The following RNLS variants were observed in gnomAD, a reference collection of about 807,000 sequenced individuals.
RNLS encodes the protein renalase, FAD dependent amine oxidase.
Under a neutral mutation model 39.8 loss-of-function variants are expected in RNLS, and 39 were observed. The observed-to-expected ratio is 0.98, with a 90% confidence interval of 0.76 to 1.28. RNLS has a LOEUF of 1.28. RNLS is among the 50% of genes most tolerant of loss of function. The pLI is 0.00. For missense variants in RNLS, 410 were observed against 413.3 expected (o/e 0.99, Z 0.07); for synonymous variants, 147 against 150.7 (o/e 0.98, Z 0.18).
intron 5 of RNLS, among the ~76,000 whole-genome samples, chr10:88,355,966 G>C (rs570877565): frequency 6.6e-6 from 1 of 152,202 alleles, no homozygotes; most frequent in Non-Finnish European, 1.5e-5. Flanking sequence ...TCAGACTGCT[G>C]TGCTGGCAAC....
chr10:88,501,562 T>G (rs953255593), intron 4 of RNLS, among the ~76,000 whole-genome samples: 3 of 152,152 alleles, frequency 2.0e-5, no homozygotes. Context: ...AGATAATGAC[T>G]GCCCATTGCA....
rs375998210 is a variant in RNLS, at chr10:88,548,156, G to A, written c.526+24747C>T. On this transcript the variant is annotated intron_variant, in intron 4 of 6. Transcript: ENST00000331772. ...GTGTGCCTGTAGTCCCAGCTACTCC[G>A]GAGGCTGAGGCAGGAGAATTGCTTG... Among the ~76,000 whole-genome samples, 18 of 150,176 alleles carry A rather than the reference G, an allele frequency of 1.2e-4. No individual in the cohort carries two copies. The East Asian group carries it at 2.2e-3, about 18-fold the overall frequency.
At chr10:88,304,987 C>T (rs117561349) in intron 6 of RNLS, among the ~76,000 whole-genome samples, 4,101 of 152,182 alleles carry the variant, frequency 0.027, 84 homozygotes, top group Non-Finnish European at 0.047. Flanking sequence ...AGACTAACAG[C>T]GGACCTCTCA....
chr10:88,575,453 G>A (rs1027478758), intron 3 of RNLS, among the ~76,000 whole-genome samples: 7 of 151,546 alleles, frequency 4.6e-5, no homozygotes, highest in African/African-American at 1.5e-4. Context: ...GTCATGATGC[G>A]CGCTAAAGTA....
intron 4 of RNLS, among the ~76,000 whole-genome samples, chr10:88,543,846 T>C (rs1467920835): frequency 6.6e-6 from 1 of 152,154 alleles, no homozygotes; most frequent in Non-Finnish European, 1.5e-5. Flanking sequence ...AAATATATAT[T>C]ATTTGCTTTG....
chr10:88,501,878 T>C lies in RNLS; in HGVS notation c.526+71025A>G, dbSNP rs537762109. Reference sequence around the variant, plus strand: ...TCATCCAGACAAGAAATTTGTTCCATATGATCTTCACTCCCTGTTGAGACC... The same window carrying C: ...TCATCCAGACAAGAAATTTGTTCCACATGATCTTCACTCCCTGTTGAGACC... On this transcript the variant is annotated intron_variant, in intron 4 of 6. Coordinates refer to ENST00000331772, the MANE Select transcript of RNLS (RefSeq NM_001031709.3). Among the ~76,000 whole-genome samples the C allele has an allele frequency of 2.6e-5, 4 of 152,300 alleles. No homozygotes were observed. The East Asian group carries it at 5.8e-4, about 22-fold the overall frequency.
the RNLS span, among the ~76,000 whole-genome samples, chr10:88,200,349 T>C: frequency 6.6e-6 from 1 of 152,206 alleles, no homozygotes; most frequent in African/African-American, 2.4e-5. Context: ...GATTGTCTCC[T>C]TTAACCCTTT....
Position 88,484,945 on chromosome 10 carries a change from T to C in RNLS, c.526+87958A>G, listed in dbSNP as rs193017111. Among the ~76,000 whole-genome samples, 503 of 152,144 alleles carry C rather than the reference T, an allele frequency of 3.3e-3. 2 individuals are homozygous for C. Among genetic ancestry groups the C allele is most frequent in the Middle Eastern group, 0.027 (8 of 294 alleles). ...GTTTGTTTGTTTGTTTCAGTGTATATATCTCATATATTTTGTCAGAATTAT... is the reference window on the plus strand; with the variant it reads ...GTTTGTTTGTTTGTTTCAGTGTATACATCTCATATATTTTGTCAGAATTAT... On this transcript the variant is annotated intron_variant, in intron 4 of 6. Coordinates refer to ENST00000331772, the MANE Select transcript of RNLS (RefSeq NM_001031709.3).
chr10:88,458,719 T>C (rs1200355405), intron 4 of RNLS, among the ~76,000 whole-genome samples: 3 of 152,150 alleles, frequency 2.0e-5, no homozygotes, highest in African/African-American at 4.8e-5. Flanking sequence ...ACAAGAAGAA[T>C]AGTATTTGTG....
chr10:88,281,892 A>G (rs1396418260), downstream of RNLS, among the ~76,000 whole-genome samples: 1 of 152,126 alleles, frequency 6.6e-6, no homozygotes, highest in Non-Finnish European at 1.5e-5. Context: ...AGGCAGGAAA[A>G]AAAATAGAAG....
the RNLS span, among the ~76,000 whole-genome samples, chr10:88,218,402 G>A: frequency 1.2e-4 from 18 of 152,220 alleles, no homozygotes; most frequent in Non-Finnish European, 8.8e-5. Flanking sequence ...GCGGGCTGCC[G>A]GGGATGTGGG....
intron 5 of RNLS, among the ~76,000 whole-genome samples, chr10:88,318,976 C>T (rs1054219286): frequency 5.3e-5 from 8 of 152,328 alleles, no homozygotes; most frequent in Admixed American, 5.2e-4. Flanking sequence ...TTAAGTGCCA[C>T]CTACTGGACT....
At chr10:88,458,112 A>G (rs1842738199) in intron 4 of RNLS, among the ~76,000 whole-genome samples, 1 of 152,196 alleles carries the variant, frequency 6.6e-6, no homozygotes, top group Non-Finnish European at 1.5e-5. Context: ...CAGGACATCC[A>G]TCATGGGTTG....
At chr10:88,392,130 T>C (rs564614401) in intron 4 of RNLS, among the ~76,000 whole-genome samples, 16 of 152,388 alleles carry the variant, frequency 1.0e-4, no homozygotes, top group African/African-American at 3.8e-4. Flanking sequence ...GATTTTCAAT[T>C]ATTTGTAGAA....
chr10:88,262,013 TAAG>T, the RNLS span, among the ~76,000 whole-genome samples: 104 of 152,194 alleles, frequency 6.8e-4, no homozygotes, highest in African/African-American at 2.3e-3. Context: ...GGGTGAAGAA[TAAG>T]GAGAAAGGCA....
chr10:88,340,712 A>G (rs112279137), intron 5 of RNLS, among the ~76,000 whole-genome samples: 11 of 152,306 alleles, frequency 7.2e-5, no homozygotes, highest in African/African-American at 2.6e-4. Flanking sequence ...TTTATAAGGA[A>G]TTCTAACTAT....
At chr10:88,275,423 A>C (rs1175771882) in intron 6 of RNLS, among the ~76,000 whole-genome samples, 1 of 152,120 alleles carries the variant, frequency 6.6e-6, no homozygotes, top group Non-Finnish European at 1.5e-5. Flanking sequence ...CCTTATAAAA[A>C]CTCTTGCACA....
chr10:88,338,758 CTTTT>C (rs36061512), intron 5 of RNLS, among the ~76,000 whole-genome samples: 30 of 112,492 alleles, frequency 2.7e-4, no homozygotes, highest in Middle Eastern at 5.3e-3. Flanking sequence ...GCTAGATTTC[CTTTT>C]TTTTTTTTTT....
intron 6 of RNLS, among the ~76,000 whole-genome samples, chr10:88,300,941 T>C (rs1017033259): frequency 2.0e-5 from 3 of 152,218 alleles, no homozygotes; most frequent in Non-Finnish European, 4.4e-5. Context: ...AGAGCATCTA[T>C]GCCTATGTAA....
Sources: allele counts gnomAD v4.1 joint callset (sites outside exome capture counted in the v4.1 genomes callset), GRCh38; gene constraint gnomAD v4.1.1; transcripts MANE v1.5; gene names NCBI Gene and HGNC (gene_info 2026-07-23, HGNC 2026-07-21).